The following TRANK1 variants were observed in gnomAD, a reference collection of about 807,000 sequenced individuals.
TRANK1 encodes TPR and ankyrin repeat-containing protein 1.
TRANK1 carries 198 observed loss-of-function variants against 266.0 expected under a neutral mutation model. The observed-to-expected ratio is 0.74, with a 90% CI of 0.66 to 0.84. TRANK1 has a LOEUF of 0.84. Ranked by LOEUF, TRANK1 falls within the 40% of genes least tolerant of loss-of-function variation. The pLI, the probability that TRANK1 is intolerant of heterozygous loss-of-function variation, is 0.00. For missense variants in TRANK1, 3,326 were observed against 3,634.6 expected, an observed-to-expected ratio of 0.92 and a Z score of 2.18; for synonymous variants, 1,396 against 1,384.1, an observed-to-expected ratio of 1.01 and a Z score of -0.19.
chr3:36,842,503 G>C, intron 18 of TRANK1, 119 bp downstream of exon 18: 4 of 836,912 alleles, frequency 4.8e-6, no homozygotes, highest in Non-Finnish European at 7.8e-6. Context: ...TTCAGAACAC[G>C]TGGCACAAGC....
intron 1 of TRANK1, among the ~76,000 whole-genome samples, chr3:36,938,126 C>G (rs2080447644): frequency 6.6e-6 from 1 of 152,218 alleles, no homozygotes; most frequent in African/African-American, 2.4e-5. Flanking sequence ...AAAACAATCT[C>G]CCATGGACAA....
chr3:36,892,865 A>C (rs1032722234), intron 6 of TRANK1, 36 bp downstream of exon 6: 20 of 631,410 alleles, frequency 3.2e-5, no homozygotes, highest in South Asian at 2.5e-4. Flanking sequence ...ATATATATAT[A>C]TATATAGATA....
intron 8 of TRANK1, among the ~76,000 whole-genome samples, chr3:36,889,134 C>T (rs982751749): frequency 7.2e-5 from 11 of 152,292 alleles, no homozygotes; most frequent in South Asian, 2.1e-4. Flanking sequence ...TGCAGCAGCA[C>T]GAGGCACAAG....
chr3:36,859,472 T>C (rs1420887032), intron 11 of TRANK1, among the ~76,000 whole-genome samples: 2 of 152,066 alleles, frequency 1.3e-5, no homozygotes, highest in Non-Finnish European at 2.9e-5. Context: ...CCTTTGTCCA[T>C]GTGTTTTCAT....
rs1273778671 is a variant in TRANK1, at chr3:36,858,004, C to G, written c.1718G>C (p.Trp573Ser). Residue 573 changes from tryptophan (W) to serine (S), a missense_variant, in exon 13 of 24, where the codon TGG (tryptophan) becomes TCG (serine). Transcript: ENST00000645898. The stretch of plus-strand genomic sequence containing the variant: ...GTAGTCGAATTCAGTGGGGTTGGAC[C>G]AAAACAGATCCAACAGATGGCTGAG... ...SFLSHLLDLFWSNPTEFDYLN... is the reference protein window; with the variant it reads ...SFLSHLLDLFSSNPTEFDYLN... The G allele has an allele frequency of 1.3e-6, 2 of 1,590,374 alleles. No individual in the cohort carries two copies. The highest frequency in any genetic ancestry group is 1.7e-6 in the Non-Finnish European group (2 of 1,174,744).
Position 36,857,584 on chromosome 3 carries a change from G to C in TRANK1, c.2138C>G (p.Thr713Ser). ...TCCAGGCTCCTTCCTGGTCACCTGG[G>C]TACCTGGGAGAGTCTCCCAGCTGTC... is the stretch of plus-strand genomic sequence containing the variant. ...VPDSWETLPGTQVTRKEPGAL... is the reference protein window; with the variant it reads ...VPDSWETLPGSQVTRKEPGAL... The change falls in exon 13 of 24, where the codon ACC becomes AGC. Residue 713 changes from threonine (T) to serine (S), a missense_variant. By Grantham distance (58) the Thr-to-Ser change is moderately conservative. Transcript: ENST00000645898. The surrounding 1 kb of genome is among the most constrained non-coding windows in gnomAD (Gnocchi z 4.3). 6.2e-7 allele frequency: 1 copy of C among 1,614,050 alleles called. No individual in the cohort carries two copies. The highest frequency in any genetic ancestry group is 1.1e-5 in the South Asian group (1 of 91,084).
chr3:36,862,302 T>A (rs186999642), intron 10 of TRANK1, among the ~76,000 whole-genome samples: 2 of 152,266 alleles, frequency 1.3e-5, no homozygotes, highest in Admixed American at 1.3e-4. Flanking sequence ...GCAACTTGAT[T>A]TGCATTTGCT....
Position 36,833,652 on chromosome 3 carries a change from C to T in TRANK1, c.5931G>A (p.Glu1977=). ...LLMKQHGCLL[E]AARLTADKDF... ...CCTTGTCGGCAGTGAGCCTGGCAGCCTCCAGGAGGCAGCCATGTTGCTTCA... is the reference window on the plus strand; with the variant it reads ...CCTTGTCGGCAGTGAGCCTGGCAGCTTCCAGGAGGCAGCCATGTTGCTTCA... Residue 1977 remains glutamate, a synonymous_variant, in exon 22 of 24, where the codon GAG becomes GAA. Transcript: ENST00000645898. 2 of 1,613,984 alleles carry T rather than the reference C, an allele frequency of 1.2e-6. No homozygotes were observed. The highest frequency in any genetic ancestry group is 1.7e-6 in the Non-Finnish European group (2 of 1,179,862).
In TRANK1 at chr3:36,898,740, G is replaced by A. The variant is rs564677481; in HGVS notation, c.433+369C>T. 3.2e-4 allele frequency among the ~76,000 whole-genome samples: 48 copies of A among 151,044 alleles called. No homozygotes were observed. In the South Asian group the frequency reaches 7.1e-3, roughly 22 times the overall value. On this transcript the variant is annotated intron_variant, in intron 4 of 23. Coordinates refer to ENST00000645898, the MANE Select transcript of TRANK1 (RefSeq NM_001329998.2). Reference sequence around the variant, plus strand: ...GTGGCGTGTGCCTGTAATCCCAGCCGCTCGGGAGGCTGAGGCAGGAGGATC... The same window carrying A: ...GTGGCGTGTGCCTGTAATCCCAGCCACTCGGGAGGCTGAGGCAGGAGGATC...
chr3:36,889,403 T>C (rs2079655155), intron 8 of TRANK1, among the ~76,000 whole-genome samples: 1 of 152,242 alleles, frequency 6.6e-6, no homozygotes. Flanking sequence ...CCAGCAGGTA[T>C]GGGAAGATGC....
intron 11 of TRANK1, 138 bp downstream of exon 11, chr3:36,860,768 A>C: frequency 7.7e-7 from 1 of 1,297,170 alleles, no homozygotes; most frequent in African/African-American, 1.5e-5. Context: ...CTGTTTCAAA[A>C]CAAGAATATA....
At chr3:36,872,231 T>A (rs2079320097) in intron 9 of TRANK1, among the ~76,000 whole-genome samples, 1 of 152,124 alleles carries the variant, frequency 6.6e-6, no homozygotes, top group Admixed American at 6.5e-5. Context: ...TGAAATCCAG[T>A]CTCTACTAAA....
intron 22 of TRANK1, 116 bp downstream of exon 22, chr3:36,830,757 A>C: frequency 1.7e-6 from 2 of 1,181,430 alleles, no homozygotes; most frequent in Non-Finnish European, 2.3e-6. Context: ...ATTTCTTCTA[A>C]GGCCAAGATT....
intron 11 of TRANK1, among the ~76,000 whole-genome samples, chr3:36,859,580 A>C (rs1345057513): frequency 6.6e-6 from 1 of 151,982 alleles, no homozygotes; most frequent in African/African-American, 2.4e-5. Context: ...TCTCCACCCG[A>C]AATCACCTTC....
At position 36,828,274 on chromosome 3, in the gene TRANK1, A is replaced by G. The variant is rs1559409471; in HGVS notation, c.*1T>C. ...ATGAGGAGGCTGCAGCTGTGTGGAC[A>G]TTAGTATTTTCTCTGCTTTCCACAT... On this transcript the variant is annotated 3_prime_UTR_variant, in exon 24 of 24. Coordinates refer to ENST00000645898, the MANE Select transcript of TRANK1 (RefSeq NM_001329998.2). 1.9e-6 allele frequency: 3 copies of G among 1,608,254 alleles called. No individual in the cohort carries two copies. The highest frequency in any genetic ancestry group is 1.1e-5 in the South Asian group (1 of 89,702).
Position 36,892,912 on chromosome 3 carries a change from T to C in TRANK1, c.625A>G (p.Ser209Gly). 6.8e-7 allele frequency: 1 copy of C among 1,481,270 alleles called. No individual in the cohort carries two copies. The allele number at this position is 1,481,270 out of a possible 1,614,324, so 91.8% of individuals were successfully genotyped here. ...NIHVPELSLK[S>G]LFEKYVFIGL... ...ATATATCACCTTACCTCAAAGAGAC[T>C]TTTCAGTGATAACTCTGGGACATGA... Residue 209 changes from serine to glycine, a missense_variant, in exon 6 of 24, where the codon AGT becomes GGT. Physicochemically the swap from Ser to Gly is moderately conservative, Grantham distance 56. Transcript: ENST00000645898.
In TRANK1 at chr3:36,834,884, A is replaced by G. The variant is rs1454244021; in HGVS notation, c.5541T>C (p.Tyr1847=). 6 of 1,612,394 alleles carry G rather than the reference A, an allele frequency of 3.7e-6. No homozygotes were observed. The highest frequency in any genetic ancestry group is 3.4e-5 in the Admixed American group (2 of 59,618). Residue 1847 remains tyrosine, a synonymous_variant, in exon 21 of 24, where the codon TAT becomes TAC. Transcript: ENST00000645898. ...LGKIRDAAYF[Y]KRSQCYKDAF... ...CGTCTTTGTAGCACTGGCTTCGCTT[A>G]TAGAAATAGGCAGCATCTCTTATCT... is the stretch of plus-strand genomic sequence containing the variant.
intron 23 of TRANK1, among the ~76,000 whole-genome samples, chr3:36,829,075 T>G (rs926999681): frequency 2.0e-5 from 3 of 152,224 alleles, no homozygotes; most frequent in African/African-American, 4.8e-5. Context: ...CTACACAAAC[T>G]TTTAACCCTC....
intron 3 of TRANK1, 83 bp downstream of exon 3, chr3:36,903,066 T>G (rs1275061206): frequency 4.1e-6 from 6 of 1,464,060 alleles, no homozygotes; most frequent in Non-Finnish European, 5.4e-6. Context: ...TGCCCCACAC[T>G]TTCTCTCATC....
Sources: gnomAD v4.1 joint callset for allele counts (sites outside exome capture counted in the v4.1 genomes callset) on GRCh38, gnomAD v4.1.1 for gene constraint, Gnocchi (gnomAD v3.1) non-coding constraint, MANE v1.5 for transcripts, NCBI Gene and HGNC (gene_info 2026-07-23, HGNC 2026-07-21) for gene names.